MAGI3: variants seen among roughly 807,000 people sequenced by gnomAD.
MAGI3 encodes the protein membrane-associated guanylate kinase, WW and PDZ domain-containing protein 3.
A neutral mutation model predicts 121.8 loss-of-function variants in MAGI3; 43 were observed. The ratio of observed to expected loss-of-function variants is 0.35; its 90% CI spans 0.28 to 0.46. The LOEUF is 0.46. MAGI3 is among the 20% of genes least tolerant of loss of function. The pLI, the probability that MAGI3 is intolerant of heterozygous loss-of-function variation, is 1.00. For missense variants in MAGI3, 1,547 were observed against 1,797.3 expected, an observed-to-expected ratio of 0.86 and a Z score of 2.52; for synonymous variants, 553 against 639.3, an observed-to-expected ratio of 0.86 and a Z score of 2.04.
chr1:113,560,584 A>G (rs1660192696), intron 2 of MAGI3, among the ~76,000 whole-genome samples: 1 of 152,224 alleles, frequency 6.6e-6, no homozygotes, highest in African/African-American at 2.4e-5. Flanking sequence ...ACAAAAAGAC[A>G]ACACATCAGA....
chr1:113,643,232 GCC>G (rs1346484480), intron 10 of MAGI3, among the ~76,000 whole-genome samples: 37 of 152,276 alleles, frequency 2.4e-4, no homozygotes, highest in African/African-American at 7.5e-4. Context: ...AAGAATAAAA[GCC>G]ACTTACTCTT....
At chr1:113,623,199 ATAT>A (rs1377954700) in intron 9 of MAGI3, among the ~76,000 whole-genome samples, 3 of 151,968 alleles carry the variant, frequency 2.0e-5, no homozygotes, top group African/African-American at 7.2e-5. Context: ...GATACATGAG[ATAT>A]TATACTATGA....
At chr1:113,477,737 G>A (rs1487231975) in intron 1 of MAGI3, among the ~76,000 whole-genome samples, 1 of 152,116 alleles carries the variant, frequency 6.6e-6, no homozygotes, top group African/African-American at 2.4e-5. Flanking sequence ...GTATCTTTGT[G>A]GCGTTCTCTG....
At chr1:113,549,190 G>A (rs1448263990) in intron 1 of MAGI3, among the ~76,000 whole-genome samples, 2 of 152,188 alleles carry the variant, frequency 1.3e-5, no homozygotes, top group African/African-American at 4.8e-5. Flanking sequence ...TGATATGAAT[G>A]TGGAAGTTAT....
Position 113,649,342 on chromosome 1 carries a change from C to CT in MAGI3, c.2247+17dup. ...CCTGACCAGTCTGTAAGTGTCACTT[C>CT]TTTGGAACATGGCTGTTTCCTGTTC... On this transcript the variant is annotated intron_variant, in intron 13 of 20. Transcript: ENST00000307546. 6.4e-7 allele frequency: 1 copy of CT among 1,571,132 alleles called. No homozygotes were observed.
chr1:113,646,206 T>C (rs1159063804), intron 11 of MAGI3, among the ~76,000 whole-genome samples: 1 of 152,164 alleles, frequency 6.6e-6, no homozygotes, highest in Non-Finnish European at 1.5e-5. Context: ...ATTTGTGTCT[T>C]GGTGGTGGAG....
chr1:113,420,841 A>G (rs946714896), intron 1 of MAGI3, among the ~76,000 whole-genome samples: 4 of 152,160 alleles, frequency 2.6e-5, no homozygotes, highest in Non-Finnish European at 4.4e-5. Context: ...ATCTCAGGGA[A>G]TACAAGTCAA....
chr1:113,531,322 A>G (rs975701618), intron 1 of MAGI3, among the ~76,000 whole-genome samples: 1 of 152,226 alleles, frequency 6.6e-6, no homozygotes, highest in African/African-American at 2.4e-5. Context: ...GACATTGTTT[A>G]GAATTGCTGG....
intron 9 of MAGI3, among the ~76,000 whole-genome samples, chr1:113,641,003 T>TA (rs1399183388): frequency 1.8e-4 from 10 of 55,908 alleles, no homozygotes; most frequent in Non-Finnish European, 2.4e-4. Flanking sequence ...ATATGATATA[T>TA]ATAATATATA....
At chr1:113,643,804 C>T in intron 11 of MAGI3, 30 bp downstream of exon 11, 1 of 1,602,610 alleles carries the variant, frequency 6.2e-7, no homozygotes, top group Non-Finnish European at 8.5e-7. Flanking sequence ...CAAATCTTTT[C>T]CCCAACACAC....
At chr1:113,624,862 T>C (rs1369101048) in intron 9 of MAGI3, among the ~76,000 whole-genome samples, 3 of 152,240 alleles carry the variant, frequency 2.0e-5, no homozygotes, top group East Asian at 3.8e-4. Flanking sequence ...TTTAAGTCTT[T>C]AATTCACCTT....
intron 1 of MAGI3, among the ~76,000 whole-genome samples, chr1:113,398,517 GT>G (rs911882054): frequency 2.0e-5 from 3 of 151,870 alleles, no homozygotes; most frequent in African/African-American, 7.3e-5. Flanking sequence ...GCTTTTGCTG[GT>G]TTTTTTGCAC....
intron 19 of MAGI3, among the ~76,000 whole-genome samples, chr1:113,680,705 C>T (rs1020647849): frequency 3.9e-5 from 6 of 151,986 alleles, no homozygotes; most frequent in Non-Finnish European, 8.8e-5. Context: ...TGCAGTGAGC[C>T]GAGGTCTCGC....
At chr1:113,478,325 T>A (rs1655949306) in intron 1 of MAGI3, among the ~76,000 whole-genome samples, 3 of 152,202 alleles carry the variant, frequency 2.0e-5, no homozygotes, top group African/African-American at 7.2e-5. Context: ...ATTTTTAGAA[T>A]TTTCAGCTTT....
chr1:113,496,627 G>A (rs1474706314), intron 1 of MAGI3, among the ~76,000 whole-genome samples: 4 of 151,998 alleles, frequency 2.6e-5, no homozygotes, highest in Non-Finnish European at 5.9e-5. Context: ...AATTATGATT[G>A]CATTTTATAT....
In MAGI3 at chr1:113,496,115, CTTTAA is replaced by C. The variant is rs570143327; in HGVS notation, c.317-53396_317-53392del. ...CTGATAGTCTGATAAAGGAACTGTG[CTTTAA>C]TTTGCTTCTTTTTTGCTTGTTGCTA... is the stretch of plus-strand genomic sequence containing the variant. On this transcript the variant is annotated intron_variant, in intron 1 of 20. Transcript: ENST00000307546. Among the ~76,000 whole-genome samples, 18 of 152,228 alleles carry C rather than the reference CTTTAA, an allele frequency of 1.2e-4. No homozygotes were observed. In the South Asian group the frequency reaches 3.7e-3, roughly 32 times the overall value.
chr1:113,634,328 T>G (rs543279588), intron 9 of MAGI3, among the ~76,000 whole-genome samples: 2 of 152,286 alleles, frequency 1.3e-5, no homozygotes, highest in Admixed American at 1.3e-4. Context: ...ATGTCCTGAA[T>G]GGTAATGCCT....
intron 16 of MAGI3, 119 bp from the exon 17 acceptor site, chr1:113,671,615 A>G: frequency 1.1e-5 from 9 of 848,066 alleles, no homozygotes; most frequent in Non-Finnish European, 1.7e-5. Flanking sequence ...TGTTCATGCT[A>G]AAGCCACTAA....
chr1:113,598,073 A>C (rs1649128442), intron 6 of MAGI3, among the ~76,000 whole-genome samples: 1 of 152,038 alleles, frequency 6.6e-6, no homozygotes, highest in South Asian at 2.1e-4. Flanking sequence ...TTAGCCAGAC[A>C]TGGTGGTGGG....
Sources: allele counts gnomAD v4.1 joint callset (sites outside exome capture counted in the v4.1 genomes callset), GRCh38; gene constraint gnomAD v4.1.1; transcripts MANE v1.5; gene names NCBI Gene and HGNC (gene_info 2026-07-23, HGNC 2026-07-21).